FAF1: variants seen among roughly 807,000 people sequenced by gnomAD.
FAF1 encodes the protein FAS-associated factor 1.
A neutral mutation model predicts 92.5 loss-of-function variants in FAF1; 25 were observed. That is an observed-to-expected ratio of 0.27 (90% confidence interval 0.20 to 0.38). The LOEUF (loss-of-function observed/expected upper bound fraction) is 0.38, where lower values mean the gene tolerates loss of function less well. Ranked by LOEUF, FAF1 falls within the 10% of genes least tolerant of loss-of-function variation. The pLI is 1.00. For missense variants in FAF1, 636 were observed against 793.3 expected, an observed-to-expected ratio of 0.80 and a Z score of 2.38; for synonymous variants, 234 against 273.2, an observed-to-expected ratio of 0.86 and a Z score of 1.42.
At chr1:50,455,415 A>G (rs1348798489) in intron 18 of FAF1, among the ~76,000 whole-genome samples, 1 of 152,262 alleles carries the variant, frequency 6.6e-6, no homozygotes, top group African/African-American at 2.4e-5. Flanking sequence ...GCCTTGGCTT[A>G]TAGAAGCCTC....
chr1:50,500,785 T>G, intron 15 of FAF1, among the ~76,000 whole-genome samples: 1 of 151,914 alleles, frequency 6.6e-6, no homozygotes, highest in Non-Finnish European at 1.5e-5. Context: ...AAAGTAAAAA[T>G]AAAAAAATTA....
rs1648554160 is a variant in FAF1 at position 50,537,636 on chromosome 1, T to A, written c.1405+1956A>T. 3.3e-5 allele frequency among the ~76,000 whole-genome samples: 5 copies of A among 152,312 alleles called. No individual in the cohort carries two copies. In the South Asian group the frequency reaches 1.0e-3, roughly 32 times the overall value. ...CATGTTAATATAAATATTACATTTT[T>A]ATGAAACATGACTATTTTCCAAAAG... On this transcript the variant is annotated intron_variant, in intron 14 of 18. Transcript: ENST00000396153.
At chr1:50,543,522 T>A (rs538259338) in intron 13 of FAF1, among the ~76,000 whole-genome samples, 1 of 152,304 alleles carries the variant, frequency 6.6e-6, no homozygotes, top group African/African-American at 2.4e-5. Context: ...CTTGTAAGGA[T>A]GAAATAAGTT....
chr1:50,637,679 A>ATGTGTGTGTG lies in FAF1; in HGVS notation c.744+17762_744+17763insCACACACACA, dbSNP rs764058700. On this transcript the variant is annotated intron_variant, in intron 8 of 18. Coordinates refer to ENST00000396153, the MANE Select transcript of FAF1 (RefSeq NM_007051.3). ...CTCACTCTGTGGCTCACACATATAT[A>ATGTGTGTGTG]TATGTGTGTGTGTGTGTGTGTGTGT... 3.9e-3 allele frequency among the ~76,000 whole-genome samples: 402 copies of ATGTGTGTGTG among 101,788 alleles called. 6 individuals are homozygous for ATGTGTGTGTG. Among genetic ancestry groups the ATGTGTGTGTG allele is most frequent in the East Asian group, 0.017 (81 of 4,638 alleles). The allele number at this position is 101,788 out of a possible 152,430, so 66.8% of individuals were successfully genotyped here.
At chr1:50,888,831 T>C (rs1271061784) in intron 1 of FAF1, among the ~76,000 whole-genome samples, 3 of 152,156 alleles carry the variant, frequency 2.0e-5, no homozygotes, top group African/African-American at 7.2e-5. Flanking sequence ...TTCTCTTTTT[T>C]TGTTGTGTCT....
At chr1:50,910,127 T>C (rs1418030153) in intron 1 of FAF1, among the ~76,000 whole-genome samples, 2 of 152,352 alleles carry the variant, frequency 1.3e-5, no homozygotes, top group African/African-American at 2.4e-5. Flanking sequence ...TGCAAGTCTG[T>C]TGGAGTTTGC....
intron 13 of FAF1, among the ~76,000 whole-genome samples, chr1:50,566,348 T>C (rs1458677827): frequency 2.6e-5 from 4 of 152,114 alleles, no homozygotes; most frequent in Non-Finnish European, 5.9e-5. Flanking sequence ...TCCCTGTTCA[T>C]GAACCAGCAG....
At chr1:50,717,728 A>G (rs1471195695) in intron 6 of FAF1, among the ~76,000 whole-genome samples, 2 of 152,134 alleles carry the variant, frequency 1.3e-5, no homozygotes, top group African/African-American at 4.8e-5. Flanking sequence ...CTGGCTGGGA[A>G]TGGTGGCTCA....
At chr1:50,638,724 A>T (rs1013410991) in intron 8 of FAF1, among the ~76,000 whole-genome samples, 17 of 152,166 alleles carry the variant, frequency 1.1e-4, no homozygotes, top group Non-Finnish European at 1.0e-4. Context: ...GATTACAGGC[A>T]TGAGCCACCA....
intron 2 of FAF1, among the ~76,000 whole-genome samples, chr1:50,829,511 C>A (rs918642925): frequency 1.3e-5 from 2 of 152,206 alleles, no homozygotes; most frequent in African/African-American, 4.8e-5. Context: ...GTGTTGACAA[C>A]CATCTGCTGC....
chr1:50,510,310 A>C (rs1647118046), intron 15 of FAF1, among the ~76,000 whole-genome samples: 1 of 152,158 alleles, frequency 6.6e-6, no homozygotes, highest in Non-Finnish European at 1.5e-5. Flanking sequence ...CAATAATATT[A>C]ATCTTCATCC....
chr1:50,746,968 T>G (rs1659656609), intron 4 of FAF1, among the ~76,000 whole-genome samples: 1 of 152,186 alleles, frequency 6.6e-6, no homozygotes, highest in Admixed American at 6.5e-5. Flanking sequence ...CCATGTGGTG[T>G]TAAGCCTGCA....
At chr1:50,778,073 T>C (rs1014598843) in intron 4 of FAF1, among the ~76,000 whole-genome samples, 6 of 152,232 alleles carry the variant, frequency 3.9e-5, no homozygotes, top group African/African-American at 1.4e-4. Flanking sequence ...GGGTAATTTA[T>C]GGTATTTTCA....
intron 1 of FAF1, among the ~76,000 whole-genome samples, chr1:50,951,064 C>A (rs1162457592): frequency 3.9e-5 from 6 of 152,144 alleles, no homozygotes; most frequent in African/African-American, 7.2e-5. Flanking sequence ...AACCCCATCT[C>A]CACTAAAAAT....
intron 7 of FAF1, among the ~76,000 whole-genome samples, chr1:50,669,135 T>A (rs1384404838): frequency 6.6e-6 from 1 of 152,144 alleles, no homozygotes; most frequent in Non-Finnish European, 1.5e-5. Flanking sequence ...AAGCAGATCC[T>A]TCCTTCCTCC....
chr1:50,469,784 G>C (rs1646548177), intron 18 of FAF1, among the ~76,000 whole-genome samples: 1 of 152,062 alleles, frequency 6.6e-6, no homozygotes, highest in South Asian at 2.1e-4. Context: ...AGATTTGAGA[G>C]AAGTTTAGAG....
chr1:50,475,724 A>G (rs1480985992), intron 17 of FAF1, 45 bp from the exon 18 acceptor site: 1 of 1,357,004 alleles, frequency 7.4e-7, no homozygotes, highest in East Asian at 2.3e-5. Context: ...GAAGGACTGG[A>G]CTATGGAGAG....
In FAF1 at chr1:50,857,943, T is replaced by G. The variant is rs200133978; in HGVS notation, c.100A>C (p.Asn34His). Residue 34 changes from asparagine to histidine, a missense_variant, in exon 2 of 19, where the codon AAT becomes CAT. Asn to His is a moderately conservative substitution (Grantham distance 68, BLOSUM62 1). Coordinates refer to ENST00000396153, the MANE Select transcript of FAF1 (RefSeq NM_007051.3). Reference protein sequence around the residue: ...DEAITLLEQNNWDLVAAINGV... With the variant: ...DEAITLLEQNHWDLVAAINGV... The stretch of plus-strand genomic sequence containing the variant: ...AAAGTACTTACCACTAAGTCCCAAT[T>G]ATTTTGTTCAAGCAATGTAATAGCT... 279 of 1,598,308 alleles carry G rather than the reference T, an allele frequency of 1.7e-4. No individual in the cohort carries two copies. The highest frequency in any genetic ancestry group is 4.6e-5 in the Non-Finnish European group (54 of 1,172,090).
intron 8 of FAF1, among the ~76,000 whole-genome samples, chr1:50,646,344 G>C (rs1056549805): frequency 6.6e-6 from 1 of 152,068 alleles, no homozygotes; most frequent in African/African-American, 2.4e-5. Context: ...AAAATGCTTA[G>C]TTTTGATAAC....
Sources: allele counts gnomAD v4.1 joint callset (sites outside exome capture counted in the v4.1 genomes callset), GRCh38; gene constraint gnomAD v4.1.1; transcripts MANE v1.5; gene names NCBI Gene and HGNC (gene_info 2026-07-23, HGNC 2026-07-21).